Variants in NRG3 observed in about 807,000 individuals in gnomAD.
The protein encoded by NRG3 is neuregulin 3.
Under a neutral mutation model 66.9 loss-of-function variants are expected in NRG3, and 31 were observed. The observed-to-expected ratio is 0.46, with a 90% CI of 0.35 to 0.63. The LOEUF is 0.63. NRG3 is among the 20% of genes least tolerant of loss of function. NRG3 has a pLI of 0.00. For synonymous variants in NRG3, 393 were observed against 359.4 expected (o/e 1.09, Z -1.06); for missense variants, 910 against 878.9 (o/e 1.04, Z -0.45).
intron 2 of NRG3, among the ~76,000 whole-genome samples, chr10:82,444,559 T>C (rs1199445455): frequency 6.6e-6 from 1 of 152,052 alleles, no homozygotes; most frequent in Non-Finnish European, 1.5e-5. Flanking sequence ...TAGAAAATAC[T>C]AAGGTGGAGG....
chr10:82,657,182 C>T (rs1052223364), intron 2 of NRG3, among the ~76,000 whole-genome samples: 1 of 152,088 alleles, frequency 6.6e-6, no homozygotes, highest in African/African-American at 2.4e-5. Context: ...TACATAGCAC[C>T]GATCACATTC....
At chr10:82,732,539 G>A (rs1293894202) in intron 2 of NRG3, among the ~76,000 whole-genome samples, 2 of 152,164 alleles carry the variant, frequency 1.3e-5, no homozygotes, top group African/African-American at 4.8e-5. Flanking sequence ...TACTGGCTGT[G>A]TGGTTTTGGG....
intron 2 of NRG3, among the ~76,000 whole-genome samples, chr10:82,366,669 CTTTTTT>C (rs1215254925): frequency 6.6e-6 from 1 of 151,866 alleles, no homozygotes; most frequent in African/African-American, 2.4e-5. Flanking sequence ...AGGCTGTTGA[CTTTTTT>C]ATTTTTTTAT....
intron 4 of NRG3, among the ~76,000 whole-genome samples, chr10:82,945,934 T>C (rs1215502720): frequency 6.6e-6 from 1 of 152,036 alleles, no homozygotes; most frequent in Non-Finnish European, 1.5e-5. Context: ...GTACCTGATA[T>C]CAACATGGAC....
At chr10:82,264,661 G>A (rs2078208615) in intron 1 of NRG3, among the ~76,000 whole-genome samples, 1 of 152,184 alleles carries the variant, frequency 6.6e-6, no homozygotes, top group African/African-American at 2.4e-5. Flanking sequence ...ATTTAACAAT[G>A]TTGCCAATGA....
At chr10:82,972,760 A>G (rs893935072) in intron 6 of NRG3, among the ~76,000 whole-genome samples, 2 of 152,168 alleles carry the variant, frequency 1.3e-5, no homozygotes, top group Admixed American at 1.3e-4. Context: ...CAACAACCCT[A>G]TAAGAGAGAT....
intron 2 of NRG3, among the ~76,000 whole-genome samples, chr10:82,538,075 TC>T (rs2043280905): frequency 6.6e-6 from 1 of 152,150 alleles, no homozygotes; most frequent in African/African-American, 2.4e-5. Flanking sequence ...CCAGAGACCT[TC>T]AAACAATGAG....
chr10:82,270,256 T>G (rs889475962), intron 1 of NRG3, among the ~76,000 whole-genome samples: 1 of 152,148 alleles, frequency 6.6e-6, no homozygotes, highest in Non-Finnish European at 1.5e-5. Flanking sequence ...TTCCCCTCAC[T>G]CTACTCATGG....
At chr10:82,788,214 CTA>C (rs1403939507) in intron 3 of NRG3, among the ~76,000 whole-genome samples, 2 of 152,038 alleles carry the variant, frequency 1.3e-5, no homozygotes, top group East Asian at 3.9e-4. Context: ...TTGGTTGATC[CTA>C]TGTTGTATTT....
intron 1 of NRG3, among the ~76,000 whole-genome samples, chr10:82,195,599 A>T (rs2074404707): frequency 6.6e-6 from 1 of 152,166 alleles, no homozygotes; most frequent in Non-Finnish European, 1.5e-5. Context: ...TGGGAGGATA[A>T]TATCACCTGC....
chr10:82,490,915 A>G (rs181126997), intron 2 of NRG3, among the ~76,000 whole-genome samples: 7 of 152,250 alleles, frequency 4.6e-5, no homozygotes, highest in African/African-American at 7.2e-5. Context: ...CAGTTCATCT[A>G]GGGTCTGTTT....
intron 2 of NRG3, among the ~76,000 whole-genome samples, chr10:82,448,675 A>G (rs1223295424): frequency 7.2e-5 from 11 of 151,992 alleles, no homozygotes; most frequent in African/African-American, 2.2e-4. Context: ...CACCAAGGAG[A>G]TTTCTTTCTG....
intron 1 of NRG3, among the ~76,000 whole-genome samples, chr10:82,336,638 T>A (rs2082404184): frequency 6.6e-6 from 1 of 151,716 alleles, no homozygotes; most frequent in Middle Eastern, 3.2e-3. Flanking sequence ...TTCTCCTGCC[T>A]CAGCCTCCCA....
chr10:82,348,208 G>A (rs1415931794), intron 1 of NRG3, among the ~76,000 whole-genome samples: 1 of 152,210 alleles, frequency 6.6e-6, no homozygotes, highest in Admixed American at 6.5e-5. Flanking sequence ...GCTGGTACCT[G>A]TTGTTCTTTT....
At chr10:82,746,846 T>C (rs1178554294) in intron 3 of NRG3, among the ~76,000 whole-genome samples, 3 of 152,090 alleles carry the variant, frequency 2.0e-5, no homozygotes, top group African/African-American at 4.8e-5. Flanking sequence ...TGGGAAGCCA[T>C]GGTGTAAGTA....
Position 82,682,149 on chromosome 10 carries a change from A to G in NRG3, c.954-56428A>G, listed in dbSNP as rs1314009885. On this transcript the variant is annotated intron_variant, in intron 2 of 8. Transcript: ENST00000372141. ...TGACTAGAGTAGGAGGAGGAAAACA[A>G]AGAGACTTTAAAGCGCTCTTCTCTT... is the stretch of plus-strand genomic sequence containing the variant. Among the ~76,000 whole-genome samples, 3 of 152,206 alleles carry G rather than the reference A, an allele frequency of 2.0e-5. No homozygotes were observed. The East Asian group carries it at 5.8e-4, about 29-fold the overall frequency.
intron 2 of NRG3, among the ~76,000 whole-genome samples, chr10:82,580,790 C>T (rs1255615624): frequency 6.6e-6 from 1 of 150,944 alleles, no homozygotes; most frequent in Non-Finnish European, 1.5e-5. Flanking sequence ...ATTGTTTATT[C>T]TTGTTTATTT....
At position 82,738,631 on chromosome 10, in the gene NRG3, T is replaced by G. The variant is rs1199842012; in HGVS notation, c.1008T>G (p.Asp336Glu). The G allele has an allele frequency of 6.2e-7, 1 of 1,614,158 alleles. No individual in the cohort carries two copies. Among genetic ancestry groups the G allele is most frequent in the Non-Finnish European group, 8.5e-7 (1 of 1,179,980 alleles). Reference sequence around the variant, plus strand: ...GTGATCAATTTCTGCCGAAAACTGATTCCATCTTATCGGATCCAAGTAGGT... The same window carrying G: ...GTGATCAATTTCTGCCGAAAACTGAGTCCATCTTATCGGATCCAAGTAGGT... Reference protein sequence around the residue: ...VRCDQFLPKTDSILSDPTDHL... With the variant: ...VRCDQFLPKTESILSDPTDHL... The change falls in exon 3 of 9, where the codon GAT (aspartate) becomes GAG (glutamate). Residue 336 changes from aspartate to glutamate, a missense_variant. Physicochemically the swap from Asp to Glu is conservative, Grantham distance 45. Transcript: ENST00000372141.
intron 1 of NRG3, among the ~76,000 whole-genome samples, chr10:82,017,578 C>A (rs1005465400): frequency 1.3e-5 from 2 of 150,512 alleles, no homozygotes; most frequent in African/African-American, 4.9e-5. Context: ...GTTCCTATTT[C>A]TCCACATCCT....
Sources: gnomAD v4.1 joint callset for allele counts (sites outside exome capture counted in the v4.1 genomes callset) on GRCh38, gnomAD v4.1.1 for gene constraint, MANE v1.5 for transcripts, NCBI Gene and HGNC (gene_info 2026-07-23, HGNC 2026-07-21) for gene names.